CCDC149: variants seen among roughly 807,000 people sequenced by gnomAD.
The protein encoded by CCDC149 is coiled-coil domain containing 149.
Under a neutral mutation model 59.9 loss-of-function variants are expected in CCDC149, and 45 were observed. The ratio of observed to expected loss-of-function variants is 0.75; its 90% CI spans 0.59 to 0.96. The LOEUF is 0.96. CCDC149 is among the 40% of genes least tolerant of loss of function. The pLI, the probability that CCDC149 is intolerant of heterozygous loss-of-function variation, is 0.00. For synonymous variants in CCDC149, 245 were observed against 260.6 expected (o/e 0.94, Z 0.58); for missense variants, 584 against 664.7 (o/e 0.88, Z 1.33).
chr4:24,917,286 G>A (rs992215070), upstream of CCDC149, among the ~76,000 whole-genome samples: 6 of 152,192 alleles, frequency 3.9e-5, no homozygotes, highest in South Asian at 2.1e-4. Flanking sequence ...CTCCAGCCCC[G>A]CTGGCTGCCA....
intron 1 of CCDC149, among the ~76,000 whole-genome samples, chr4:24,938,421 G>C (rs1176862114): frequency 1.3e-5 from 2 of 152,172 alleles, no homozygotes; most frequent in Non-Finnish European, 2.9e-5. Flanking sequence ...TGGGGGGATG[G>C]AGCCAAGATA....
intron 9 of CCDC149, chr4:24,828,128 A>AC (rs1715882587): frequency 6.6e-6 from 1 of 152,130 alleles, no homozygotes; most frequent in African/African-American, 2.4e-5. Context: ...GAAACAGAGG[A>AC]CCCCCTAAGT....
At chr4:24,854,930 T>A (rs1371888873) in intron 3 of CCDC149, among the ~76,000 whole-genome samples, 1 of 152,176 alleles carries the variant, frequency 6.6e-6, no homozygotes, top group Non-Finnish European at 1.5e-5. Context: ...CTCAACAGGG[T>A]CCATCTTAAC....
At chr4:24,966,305 C>T (rs778655385) in intron 1 of CCDC149, among the ~76,000 whole-genome samples, 2 of 152,068 alleles carry the variant, frequency 1.3e-5, no homozygotes, top group Admixed American at 6.6e-5. Flanking sequence ...AATGGGTATG[C>T]GGCAGGCTAT....
chr4:24,850,643 A>G (rs1176829738), intron 4 of CCDC149, among the ~76,000 whole-genome samples: 2 of 152,166 alleles, frequency 1.3e-5, no homozygotes, highest in Non-Finnish European at 2.9e-5. Context: ...CTAGCACACC[A>G]TGATCATGGA....
In CCDC149 at chr4:24,841,149, T is replaced by C. The variant is rs559067727; in HGVS notation, c.373-2877A>G. On this transcript the variant is annotated intron_variant, in intron 4 of 12. Transcript: ENST00000635206. ...ACAATGTCTATCAGATCTGAGGGTC[T>C]AGGAACAAGAAAACTCCTGCCTTTC... Among the ~76,000 whole-genome samples the C allele has an allele frequency of 2.0e-4, 31 of 152,272 alleles. No homozygotes were observed. The South Asian group carries it at 6.4e-3, about 32-fold the overall frequency.
At chr4:24,900,476 A>G (rs1243390983) in intron 1 of CCDC149, among the ~76,000 whole-genome samples, 1 of 152,180 alleles carries the variant, frequency 6.6e-6, no homozygotes, top group African/African-American at 2.4e-5. Context: ...GGCCAGAACC[A>G]GGTTGGTTCT....
chr4:24,804,087 T>C (rs1447811486), downstream of CCDC149, among the ~76,000 whole-genome samples: 1 of 152,134 alleles, frequency 6.6e-6, no homozygotes, highest in Non-Finnish European at 1.5e-5. Flanking sequence ...TTTGGCCTTT[T>C]GACATCCTAT....
chr4:24,890,680 T>G (rs561132742), intron 1 of CCDC149, among the ~76,000 whole-genome samples: 2 of 152,350 alleles, frequency 1.3e-5, no homozygotes, highest in South Asian at 2.1e-4. Flanking sequence ...GTGTTCAAGA[T>G]GAAGCTTCAA....
At chr4:24,876,325 A>T (rs1195648368) in intron 2 of CCDC149, among the ~76,000 whole-genome samples, 1 of 150,936 alleles carries the variant, frequency 6.6e-6, no homozygotes, top group Non-Finnish European at 1.5e-5. Context: ...ACACACACAC[A>T]CACACACACA....
intron 1 of CCDC149, among the ~76,000 whole-genome samples, chr4:24,934,958 G>A (rs1339684082): frequency 6.6e-6 from 1 of 152,202 alleles, no homozygotes; most frequent in Non-Finnish European, 1.5e-5. Context: ...CAAATGTGAT[G>A]AGAACCTCTC....
intron 1 of CCDC149, among the ~76,000 whole-genome samples, chr4:24,972,390 C>T (rs1032798368): frequency 6.6e-6 from 1 of 151,772 alleles, no homozygotes; most frequent in Non-Finnish European, 1.5e-5. Context: ...TCACTGCAGC[C>T]TCAACCTCCC....
intron 3 of CCDC149, among the ~76,000 whole-genome samples, chr4:24,859,206 T>C (rs1718217565): frequency 6.6e-6 from 1 of 152,174 alleles, no homozygotes; most frequent in South Asian, 2.1e-4. Context: ...TGGAATAAAT[T>C]ACACTTTATA....
At position 24,912,988 on chromosome 4, in the gene CCDC149, C is replaced by T. The variant is rs1721989499; in HGVS notation, c.-109G>A. On this transcript the variant is annotated 5_prime_UTR_variant, in exon 1 of 13. Transcript: ENST00000635206. ...CCGAGAGGGCCCGGCGCCTCCGAGC[C>T]GCTGCGCCGCCGCCTCTCGCGGCCG... 1 of 342,696 alleles carries T rather than the reference C, an allele frequency of 2.9e-6. No homozygotes were observed. Among genetic ancestry groups the T allele is most frequent in the Non-Finnish European group, 4.3e-6 (1 of 234,374 alleles). The allele number at this position is 342,696 out of a possible 1,614,324, so 21.2% of individuals were successfully genotyped here. A position where few individuals can be genotyped will look rare whatever the true frequency, so the allele number is the denominator to read the frequency against.
At chr4:24,881,690 T>A (rs1461862084) in intron 1 of CCDC149, among the ~76,000 whole-genome samples, 1 of 152,242 alleles carries the variant, frequency 6.6e-6, no homozygotes, top group Non-Finnish European at 1.5e-5. Context: ...CTGGGCTGTG[T>A]GTCCACTGAG....
intron 1 of CCDC149, among the ~76,000 whole-genome samples, chr4:24,929,304 A>G (rs1404525456): frequency 6.6e-6 from 1 of 152,156 alleles, no homozygotes; most frequent in Non-Finnish European, 1.5e-5. Context: ...GCGGCTCATG[A>G]ATCATGGTCT....
chr4:24,879,491 G>A, intron 1 of CCDC149, among the ~76,000 whole-genome samples: 1 of 149,918 alleles, frequency 6.7e-6, no homozygotes, highest in Admixed American at 6.6e-5. Flanking sequence ...CACACCAGCT[G>A]GGCAAAAAGA....
At chr4:24,879,684 CAAA>C (rs34829658) in intron 1 of CCDC149, among the ~76,000 whole-genome samples, 6 of 130,410 alleles carry the variant, frequency 4.6e-5, no homozygotes, top group Non-Finnish European at 3.2e-5. Context: ...GACTCCATCT[CAAA>C]AAAAAAAAAA....
At chr4:24,899,347 T>C (rs1721026678) in intron 1 of CCDC149, among the ~76,000 whole-genome samples, 1 of 152,066 alleles carries the variant, frequency 6.6e-6, no homozygotes. Context: ...GGAAAGTGTA[T>C]ACAGAAGGAG....
Sources: gnomAD v4.1 joint callset for allele counts (sites outside exome capture counted in the v4.1 genomes callset) on GRCh38, gnomAD v4.1.1 for gene constraint, MANE v1.5 for transcripts, NCBI Gene and HGNC (gene_info 2026-07-23, HGNC 2026-07-21) for gene names.